The following IMMP2L variants were observed in gnomAD, a reference collection of about 807,000 sequenced individuals.
The protein encoded by IMMP2L is mitochondrial inner membrane protease subunit 2.
In IMMP2L, 18 loss-of-function variants were observed where a neutral mutation model predicts 19.3. That is an observed-to-expected ratio of 0.93 (90% CI 0.64 to 1.38). The LOEUF is 1.38. Among genes scored for constraint, IMMP2L ranks in the 40% most tolerant of loss-of-function variants. IMMP2L has a pLI of 0.00. For synonymous variants in IMMP2L, 76 were observed against 73.0 expected (o/e 1.04, Z -0.21); for missense variants, 233 against 218.2 (o/e 1.07, Z -0.43).
In IMMP2L at chr7:110,817,402, C is replaced by G. The variant is rs1005131239; in HGVS notation, c.408+69191G>C. Among the ~76,000 whole-genome samples the G allele has an allele frequency of 1.2e-4, 19 of 152,142 alleles. No individual in the cohort carries two copies. In the Middle Eastern group the frequency reaches 0.01, roughly 82 times the overall value. ...ATAAAATACCTAGGAATCCAACTTA[C>G]AAGGGATGTGAAGGACCTCTTCAAG... On this transcript the variant is annotated intron_variant, in intron 5 of 5. Coordinates refer to ENST00000405709, the MANE Select transcript of IMMP2L (RefSeq NM_032549.4).
chr7:111,205,703 G>A (rs1429255871), intron 3 of IMMP2L, among the ~76,000 whole-genome samples: 1 of 151,972 alleles, frequency 6.6e-6, no homozygotes, highest in East Asian at 1.9e-4. Flanking sequence ...ATTAAATTAT[G>A]AACTATAGGC....
intron 3 of IMMP2L, among the ~76,000 whole-genome samples, chr7:111,337,141 A>T (rs1826505681): frequency 6.6e-6 from 1 of 152,094 alleles, no homozygotes. Context: ...TAAGATAAAA[A>T]ATCTATCTAA....
intron 3 of IMMP2L, among the ~76,000 whole-genome samples, chr7:110,965,233 T>A (rs1362223171): frequency 6.6e-6 from 1 of 152,060 alleles, no homozygotes; most frequent in Non-Finnish European, 1.5e-5. Context: ...TTCAAAATCA[T>A]GCATAGATAA....
intron 5 of IMMP2L, among the ~76,000 whole-genome samples, chr7:110,844,755 T>C (rs1458686098): frequency 8.9e-5 from 10 of 112,766 alleles, no homozygotes; most frequent in South Asian, 3.4e-4. Context: ...AAAGACAGCA[T>C]GGAAATGGCA....
intron 5 of IMMP2L, among the ~76,000 whole-genome samples, chr7:110,811,190 A>G (rs1406558334): frequency 6.6e-6 from 1 of 152,062 alleles, no homozygotes; most frequent in Admixed American, 6.6e-5. Context: ...ATTTTTCTTA[A>G]GGAAAAAAAT....
At chr7:111,163,160 C>G in intron 3 of IMMP2L, among the ~76,000 whole-genome samples, 1 of 152,230 alleles carries the variant, frequency 6.6e-6, no homozygotes, top group East Asian at 1.9e-4. Context: ...CTGTCACTCT[C>G]ACTCCCAGAC....
intron 3 of IMMP2L, among the ~76,000 whole-genome samples, chr7:111,057,772 C>A (rs1422413146): frequency 6.6e-6 from 1 of 152,168 alleles, no homozygotes; most frequent in Non-Finnish European, 1.5e-5. Flanking sequence ...TGATGAAATG[C>A]AACCTCTAAT....
At chr7:111,438,429 G>A (rs2131757531) in intron 3 of IMMP2L, among the ~76,000 whole-genome samples, 1 of 151,514 alleles carries the variant, frequency 6.6e-6, no homozygotes, top group Non-Finnish European at 1.5e-5. Flanking sequence ...TTATATTCAG[G>A]AGTCCCACAC....
At chr7:111,253,022 ACGCTT>A (rs2129632617) in intron 3 of IMMP2L, among the ~76,000 whole-genome samples, 1 of 152,272 alleles carries the variant, frequency 6.6e-6, no homozygotes, top group South Asian at 2.1e-4. Flanking sequence ...AATATTGCCT[ACGCTT>A]CTTCTAATTT....
intron 3 of IMMP2L, among the ~76,000 whole-genome samples, chr7:111,329,925 C>A (rs370003003): frequency 6.6e-6 from 1 of 151,554 alleles, no homozygotes; most frequent in Admixed American, 6.6e-5. Flanking sequence ...AGGACCCAAA[C>A]AATTAAGGTG....
chr7:110,669,604 C>A (rs922221468), intron 5 of IMMP2L, among the ~76,000 whole-genome samples: 3 of 152,200 alleles, frequency 2.0e-5, no homozygotes, highest in African/African-American at 7.2e-5. Flanking sequence ...TCAGTGCTTA[C>A]TCTATGGAGG....
intron 3 of IMMP2L, among the ~76,000 whole-genome samples, chr7:111,190,943 A>G (rs940783691): frequency 3.3e-5 from 5 of 152,126 alleles, no homozygotes; most frequent in African/African-American, 1.2e-4. Flanking sequence ...TCAAACACCC[A>G]ATAAAAAGCC....
chr7:111,145,556 A>G (rs1486141911), intron 3 of IMMP2L, among the ~76,000 whole-genome samples: 1 of 152,124 alleles, frequency 6.6e-6, no homozygotes, highest in Non-Finnish European at 1.5e-5. Flanking sequence ...TAAAATCAAC[A>G]ATTTGTTCCA....
chr7:111,154,826 T>C (rs758273674), intron 3 of IMMP2L, among the ~76,000 whole-genome samples: 22 of 152,274 alleles, frequency 1.4e-4, no homozygotes, highest in Non-Finnish European at 1.6e-4. Flanking sequence ...GGTGTGACCA[T>C]GGTTCATTGC....
intron 2 of IMMP2L, among the ~76,000 whole-genome samples, chr7:111,495,458 A>G (rs376385228): frequency 6.6e-6 from 1 of 152,204 alleles, no homozygotes; most frequent in East Asian, 1.9e-4. Flanking sequence ...AGCATAACAC[A>G]AAAGTTAGGC....
At chr7:110,721,168 G>C (rs1795541517) in intron 5 of IMMP2L, among the ~76,000 whole-genome samples, 1 of 151,788 alleles carries the variant, frequency 6.6e-6, no homozygotes, top group Non-Finnish European at 1.5e-5. Flanking sequence ...CAAATGCATG[G>C]ACAGACACTG....
At chr7:111,159,732 T>C (rs764152668) in intron 3 of IMMP2L, among the ~76,000 whole-genome samples, 3 of 152,132 alleles carry the variant, frequency 2.0e-5, no homozygotes, top group African/African-American at 7.2e-5. Context: ...GAGTCATATA[T>C]GTAATATTAA....
chr7:110,850,116 TAATGCATAATCAGAAA>T (rs1806051151), intron 5 of IMMP2L, among the ~76,000 whole-genome samples: 1 of 151,932 alleles, frequency 6.6e-6, no homozygotes, highest in Non-Finnish European at 1.5e-5. Context: ...TCAGAAAATA[TAATGCATAATCAGAAA>T]ATAAATAAGA....
chr7:111,414,746 T>G (rs894624170), intron 3 of IMMP2L, among the ~76,000 whole-genome samples: 1 of 151,766 alleles, frequency 6.6e-6, no homozygotes, highest in Non-Finnish European at 1.5e-5. Flanking sequence ...TAGGTGAAAC[T>G]GTGTACAGGG....
Sources: allele counts gnomAD v4.1 joint callset (sites outside exome capture counted in the v4.1 genomes callset), GRCh38; gene constraint gnomAD v4.1.1; transcripts MANE v1.5; gene names NCBI Gene and HGNC (gene_info 2026-07-23, HGNC 2026-07-21).